The following SCMH1 variants were observed in gnomAD, a reference collection of about 807,000 sequenced individuals.
SCMH1 encodes Scm polycomb group protein homolog 1.
A neutral mutation model predicts 70.8 loss-of-function variants in SCMH1; 37 were observed. That is an observed-to-expected ratio of 0.52 (90% CI 0.40 to 0.69). The LOEUF is 0.69. SCMH1 is among the 30% of genes least tolerant of loss of function. SCMH1 has a pLI of 0.00. For synonymous variants in SCMH1, 292 were observed against 307.4 expected, an observed-to-expected ratio of 0.95 and a Z score of 0.52; for missense variants, 607 against 827.3, an observed-to-expected ratio of 0.73 and a Z score of 3.27.
At chr1:41,196,539 AT>A (rs1304015490) in intron 1 of SCMH1, among the ~76,000 whole-genome samples, 1 of 152,222 alleles carries the variant, frequency 6.6e-6, no homozygotes, top group African/African-American at 2.4e-5. Context: ...ATACAAAAAA[AT>A]TAACTCAAAA....
intron 1 of SCMH1, among the ~76,000 whole-genome samples, chr1:41,214,312 G>A (rs1333628788): frequency 1.3e-5 from 2 of 152,050 alleles, no homozygotes; most frequent in African/African-American, 4.8e-5. Context: ...AATAATGAGA[G>A]CAATGTGAAA....
intron 6 of SCMH1, among the ~76,000 whole-genome samples, chr1:41,131,438 T>C (rs935791589): frequency 2.2e-4 from 33 of 152,214 alleles, no homozygotes; most frequent in African/African-American, 7.7e-4. Context: ...GGGATTTTGA[T>C]AGGGACTGCA....
intron 8 of SCMH1, among the ~76,000 whole-genome samples, chr1:41,090,076 G>T (rs902520466): frequency 3.3e-5 from 5 of 152,010 alleles, no homozygotes; most frequent in Non-Finnish European, 5.9e-5. Flanking sequence ...ACAGGTGTGA[G>T]CCACCATGCC....
At chr1:41,115,830 C>G (rs1009081645) in intron 7 of SCMH1, among the ~76,000 whole-genome samples, 21 of 152,056 alleles carry the variant, frequency 1.4e-4, no homozygotes, top group African/African-American at 5.1e-4. Context: ...TCCATCATTC[C>G]CACCCTCTGT....
chr1:41,200,840 T>G (rs1298891668), intron 1 of SCMH1, among the ~76,000 whole-genome samples: 1 of 152,186 alleles, frequency 6.6e-6, no homozygotes, highest in Admixed American at 6.5e-5. Flanking sequence ...AGGAGTCACC[T>G]AATAAAAGCT....
chr1:41,187,865 T>C (rs891917935), intron 1 of SCMH1, among the ~76,000 whole-genome samples: 18 of 151,600 alleles, frequency 1.2e-4, no homozygotes, highest in African/African-American at 4.4e-4. Flanking sequence ...TGTGCACCTA[T>C]AGTTCCAGCT....
intron 2 of SCMH1, among the ~76,000 whole-genome samples, chr1:41,169,634 T>C (rs1000867796): frequency 6.6e-6 from 1 of 152,162 alleles, no homozygotes; most frequent in African/African-American, 2.4e-5. Flanking sequence ...AGGTTAATAT[T>C]TGTCTACCCC....
intron 6 of SCMH1, among the ~76,000 whole-genome samples, chr1:41,117,232 C>T (rs139956141): frequency 0.014 from 2,182 of 151,762 alleles, 20 homozygotes; most frequent in Admixed American, 0.02. Context: ...TTCTTTATTC[C>T]AATATTATAA....
intron 2 of SCMH1, among the ~76,000 whole-genome samples, chr1:41,167,157 T>C (rs933924076): frequency 6.6e-6 from 1 of 152,142 alleles, no homozygotes; most frequent in Non-Finnish European, 1.5e-5. Flanking sequence ...TTCATTTCCA[T>C]CACATCCCAA....
intron 6 of SCMH1, among the ~76,000 whole-genome samples, chr1:41,138,787 C>T (rs948976460): frequency 6.6e-6 from 1 of 152,070 alleles, no homozygotes; most frequent in Non-Finnish European, 1.5e-5. Flanking sequence ...TCTGATTAGT[C>T]GTTGGTTTTG....
At chr1:41,237,784 G>A (rs935384226) in intron 1 of SCMH1, among the ~76,000 whole-genome samples, 3 of 152,102 alleles carry the variant, frequency 2.0e-5, no homozygotes, top group Admixed American at 2.0e-4. Context: ...CAAATGCTTA[G>A]AAATGACAGC....
At chr1:41,050,552 A>G (rs1558455098) in intron 10 of SCMH1, among the ~76,000 whole-genome samples, 1 of 152,324 alleles carries the variant, frequency 6.6e-6, no homozygotes, top group Middle Eastern at 3.4e-3. Flanking sequence ...GGGAGGTGAT[A>G]TGTGGAAAGT....
chr1:41,046,319 T>G, intron 12 of SCMH1, 88 bp downstream of exon 12: 1 of 1,135,060 alleles, frequency 8.8e-7, no homozygotes, highest in Non-Finnish European at 1.3e-6. Context: ...GCCAGGCCAG[T>G]AGTTCTGAAG....
At chr1:41,085,040 T>C (rs1449564876) in intron 8 of SCMH1, among the ~76,000 whole-genome samples, 2 of 151,180 alleles carry the variant, frequency 1.3e-5, no homozygotes, top group Non-Finnish European at 2.9e-5. Flanking sequence ...GACGAGTTAG[T>C]GGGTGCAGCA....
chr1:41,182,435 C>T (rs1401567563), intron 2 of SCMH1, among the ~76,000 whole-genome samples: 4 of 152,116 alleles, frequency 2.6e-5, no homozygotes, highest in Non-Finnish European at 5.9e-5. Context: ...TCAAATAGTT[C>T]AAAAAGTTCG....
chr1:41,226,831 G>C (rs1238717423), intron 1 of SCMH1, among the ~76,000 whole-genome samples: 2 of 152,172 alleles, frequency 1.3e-5, no homozygotes, highest in African/African-American at 4.8e-5. Flanking sequence ...ATTTTGAATA[G>C]ATTCTGGGAG....
At chr1:41,091,807 C>A (rs1394842620) in intron 8 of SCMH1, among the ~76,000 whole-genome samples, 1 of 152,170 alleles carries the variant, frequency 6.6e-6, no homozygotes, top group Admixed American at 6.5e-5. Context: ...AGGAATCCAA[C>A]TTACAAAGGA....
chr1:41,151,019 G>T (rs1403112777), intron 5 of SCMH1, among the ~76,000 whole-genome samples: 2 of 151,278 alleles, frequency 1.3e-5, no homozygotes, highest in African/African-American at 4.9e-5. Context: ...TAACCCTTGA[G>T]TACTAAAGGA....
chr1:41,108,673 A>T (rs576577465), intron 8 of SCMH1, among the ~76,000 whole-genome samples: 1 of 152,312 alleles, frequency 6.6e-6, no homozygotes, highest in East Asian at 1.9e-4. Context: ...AAAAGGAGAA[A>T]AAGAGAGGCA....
Sources: allele counts gnomAD v4.1 joint callset (sites outside exome capture counted in the v4.1 genomes callset), GRCh38; gene constraint gnomAD v4.1.1; transcripts MANE v1.5; gene names NCBI Gene and HGNC (gene_info 2026-07-23, HGNC 2026-07-21).